Variants in LCA5L observed in about 807,000 individuals in gnomAD.
The protein encoded by LCA5L is lebercilin LCA5 like.
Under a neutral mutation model 45.4 loss-of-function variants are expected in LCA5L, and 35 were observed. That is an observed-to-expected ratio of 0.77 (90% CI 0.59 to 1.02). LCA5L has a LOEUF of 1.02. Among genes scored for constraint, LCA5L ranks in the 50% least tolerant of loss-of-function variants. The pLI is 0.00. For missense variants in LCA5L, 668 were observed against 761.6 expected (o/e 0.88, Z 1.45); for synonymous variants, 233 against 264.7 (o/e 0.88, Z 1.16).
intron 7 of LCA5L, chr21:39,413,726 A>G (rs2040511370): frequency 6.6e-6 from 1 of 152,256 alleles, no homozygotes; most frequent in South Asian, 2.1e-4. Flanking sequence ...TCTGGATAAT[A>G]GCTTTCAGAT....
intron 2 of LCA5L, among the ~76,000 whole-genome samples, chr21:39,441,909 T>C (rs1447148416): frequency 1.3e-5 from 2 of 152,250 alleles, no homozygotes; most frequent in African/African-American, 4.8e-5. Flanking sequence ...ATTTCATTCA[T>C]TCTTTCAGCA....
At chr21:39,412,273 T>C (rs1043086147) in intron 7 of LCA5L, among the ~76,000 whole-genome samples, 2 of 152,130 alleles carry the variant, frequency 1.3e-5, no homozygotes, top group Admixed American at 6.6e-5. Flanking sequence ...CACCATCTAA[T>C]AGAAAGTTCT....
At chr21:39,430,742 C>T (rs916274917) in intron 3 of LCA5L, among the ~76,000 whole-genome samples, 8 of 152,280 alleles carry the variant, frequency 5.3e-5, no homozygotes, top group Non-Finnish European at 1.0e-4. Context: ...CCACCAATAG[C>T]TATAAATTAA....
chr21:39,415,447 CAT>C (rs1053489527), intron 7 of LCA5L, among the ~76,000 whole-genome samples: 6 of 152,332 alleles, frequency 3.9e-5, no homozygotes, highest in African/African-American at 1.4e-4. Context: ...ATGAACAACT[CAT>C]GTGCTGTTTC....
At chr21:39,417,683 G>A (rs768817406) in intron 7 of LCA5L, among the ~76,000 whole-genome samples, 26 of 152,310 alleles carry the variant, frequency 1.7e-4, no homozygotes, top group Admixed American at 5.9e-4. Context: ...GACAAAGGAG[G>A]AGCAAAAGGA....
At position 39,444,206 on chromosome 21, in the gene LCA5L, A is replaced by G. The variant is rs2077176329; in HGVS notation, c.-312-5T>C. ...TTTGCCTCTTTTGGTGCTTCTCTAA[A>G]AAATAAAAAAGGAAGAGCTTAAACT... On this transcript the variant is annotated splice_region_variant and splice_polypyrimidine_tract_variant and intron_variant, in intron 1 of 10. Coordinates refer to ENST00000288350, the MANE Select transcript of LCA5L (RefSeq NM_152505.4). 1 of 152,172 alleles carries G rather than the reference A, an allele frequency of 6.6e-6. No individual in the cohort carries two copies. Among genetic ancestry groups the G allele is most frequent in the South Asian group, 2.1e-4 (1 of 4,824 alleles). The allele number at this position is 152,172 out of a possible 1,614,324, so 9.4% of individuals were successfully genotyped here. A position where few individuals can be genotyped will look rare whatever the true frequency, so the allele number is the denominator to read the frequency against.
intron 3 of LCA5L, among the ~76,000 whole-genome samples, chr21:39,433,045 T>A (rs1193811333): frequency 2.0e-5 from 3 of 152,222 alleles, no homozygotes; most frequent in Non-Finnish European, 1.5e-5. Context: ...TCATCTGTGA[T>A]TTTTCATTCT....
chr21:39,431,861 A>C (rs117183907), intron 3 of LCA5L, among the ~76,000 whole-genome samples: 41 of 152,236 alleles, frequency 2.7e-4, no homozygotes, highest in Non-Finnish European at 4.6e-4. Context: ...GCTTTTGTCA[A>C]ATTTCTAAAA....
intron 2 of LCA5L, chr21:39,438,799 T>C (rs545679085): frequency 2.0e-4 from 31 of 152,324 alleles, no homozygotes; most frequent in Admixed American, 1.8e-3. Flanking sequence ...ATAATGCATA[T>C]TATAAAAAAT....
At chr21:39,438,237 G>C (rs2076475027) in intron 2 of LCA5L, among the ~76,000 whole-genome samples, 1 of 152,156 alleles carries the variant, frequency 6.6e-6, no homozygotes, top group Non-Finnish European at 1.5e-5. Context: ...TAAGATAAAG[G>C]TAGAGAAAGT....
At chr21:39,422,225 A>C (rs1343692407) in intron 6 of LCA5L, 1 of 152,238 alleles carries the variant, frequency 6.6e-6, no homozygotes, top group African/African-American at 2.4e-5. Flanking sequence ...TCAGCATCAA[A>C]TATTACAGAA....
At chr21:39,425,475 T>C (rs532317167) in intron 5 of LCA5L, among the ~76,000 whole-genome samples, 1 of 152,328 alleles carries the variant, frequency 6.6e-6, no homozygotes, top group Non-Finnish European at 1.5e-5. Context: ...CATGGTTTAG[T>C]AGGGGCTATG....
intron 7 of LCA5L, among the ~76,000 whole-genome samples, chr21:39,415,217 T>G (rs1449982566): frequency 6.6e-6 from 1 of 152,208 alleles, no homozygotes; most frequent in Non-Finnish European, 1.5e-5. Flanking sequence ...AAAATAACAT[T>G]TTCTGTCATT....
At chr21:39,424,969 A>G (rs1308720664) in intron 5 of LCA5L, among the ~76,000 whole-genome samples, 1 of 152,218 alleles carries the variant, frequency 6.6e-6, no homozygotes, top group Non-Finnish European at 1.5e-5. Flanking sequence ...CACAGCTAGG[A>G]AGTGGTGAGA....
At chr21:39,423,562 C>A in intron 5 of LCA5L, 72 bp from the exon 6 acceptor site, 1 of 1,319,480 alleles carries the variant, frequency 7.6e-7, no homozygotes, top group Non-Finnish European at 1.0e-6. Context: ...TATGCATAAT[C>A]TCTCTCCCAT....
chr21:39,418,176 TC>T (rs2041629000), intron 7 of LCA5L, among the ~76,000 whole-genome samples: 1 of 152,140 alleles, frequency 6.6e-6, no homozygotes, highest in Non-Finnish European at 1.5e-5. Context: ...ACTGGGTCCC[TC>T]CCCTGACATG....
chr21:39,414,440 A>G (rs1444865302), intron 7 of LCA5L, among the ~76,000 whole-genome samples: 1 of 151,868 alleles, frequency 6.6e-6, no homozygotes, highest in Non-Finnish European at 1.5e-5. Context: ...GTTTCAAAGT[A>G]AAGAAACGAA....
chr21:39,410,418 A>C, intron 8 of LCA5L, 51 bp from the exon 9 acceptor site: 1 of 944,528 alleles, frequency 1.1e-6, no homozygotes, highest in Non-Finnish European at 1.6e-6. Context: ...ATTTGGATAC[A>C]ATATTGATTT....
Position 39,409,962 on chromosome 21 carries a change from TA to T in LCA5L, c.1282+16del. 7.6e-7 allele frequency: 1 copy of T among 1,321,194 alleles called. No individual in the cohort carries two copies. Among genetic ancestry groups the T allele is most frequent in the Non-Finnish European group, 1.1e-6 (1 of 921,506 alleles). 81.8% of individuals were successfully genotyped at this position (1,321,194 alleles called of 1,614,324 possible). A position where few individuals can be genotyped will look rare whatever the true frequency, so the allele number is the denominator to read the frequency against. ...TAAAGAAATCAGATAAGATAGACTT[TA>T]AAGAGTTAAAATTACCTTCATATTT... On this transcript the variant is annotated intron_variant, in intron 10 of 10. Transcript: ENST00000288350. The surrounding 1 kb of genome is among the most constrained non-coding windows in gnomAD (Gnocchi z 4.2).
Sources: allele counts gnomAD v4.1 joint callset (sites outside exome capture counted in the v4.1 genomes callset), GRCh38; gene constraint gnomAD v4.1.1; non-coding constraint Gnocchi (gnomAD v3.1); transcripts MANE v1.5; gene names NCBI Gene and HGNC (gene_info 2026-07-23, HGNC 2026-07-21).